The following SORBS3 variants were observed in gnomAD, a reference collection of about 807,000 sequenced individuals.
SORBS3 encodes the protein sorbin and SH3 domain containing 3.
A neutral mutation model predicts 98.0 loss-of-function variants in SORBS3; 69 were observed. The ratio of observed to expected loss-of-function variants is 0.70; its 90% CI spans 0.58 to 0.86. The LOEUF (loss-of-function observed/expected upper bound fraction) is 0.86, where lower values mean the gene tolerates loss of function less well. SORBS3 is among the 40% of genes least tolerant of loss of function. SORBS3 has a pLI of 0.00. For missense variants in SORBS3, 954 were observed against 908.5 expected (o/e 1.05, Z -0.64); for synonymous variants, 394 against 355.4 (o/e 1.11, Z -1.22).
chr8:22,552,488 C>T (rs532346494), intron 1 of SORBS3, among the ~76,000 whole-genome samples: 74 of 152,362 alleles, frequency 4.9e-4, no homozygotes, highest in Non-Finnish European at 1.0e-3. Flanking sequence ...AAGAGAAGGA[C>T]TCGGACCACC....
At chr8:22,556,577 G>C in intron 3 of SORBS3, 138 bp from the exon 4 acceptor site, 1 of 717,012 alleles carries the variant, frequency 1.4e-6, no homozygotes, top group Non-Finnish European at 2.4e-6. Context: ...GTGGTGCTCT[G>C]AGTCATCCAC....
chr8:22,552,820 C>A (rs1840110050), intron 1 of SORBS3, among the ~76,000 whole-genome samples: 1 of 152,220 alleles, frequency 6.6e-6, no homozygotes, highest in South Asian at 2.1e-4. Context: ...CTCAACTCCC[C>A]CCCGCAAGGG....
intron 7 of SORBS3, 25 bp downstream of exon 7, chr8:22,561,956 G>T: frequency 6.2e-7 from 1 of 1,610,956 alleles, no homozygotes; most frequent in East Asian, 2.2e-5. Flanking sequence ...GCGGGGCCGA[G>T]GGCTGCGGAG....
chr8:22,563,918 G>C, intron 7 of SORBS3, 69 bp from the exon 8 acceptor site: 2 of 1,175,924 alleles, frequency 1.7e-6, no homozygotes, highest in Non-Finnish European at 2.5e-6. Context: ...AGGGTGAGAG[G>C]GCTGTGTGCT....
upstream of SORBS3, chr8:22,551,783 C>G (rs1840085489): frequency 1.0e-6 from 1 of 984,984 alleles, no homozygotes; most frequent in Non-Finnish European, 1.2e-6. The surrounding 1 kb of genome is among the most constrained non-coding windows in gnomAD (Gnocchi z 5.8). Flanking sequence ...GACCCAAACT[C>G]CGCCCGCCCC....
intron 1 of SORBS3, among the ~76,000 whole-genome samples, chr8:22,552,590 A>G (rs1840103394): frequency 6.6e-6 from 1 of 152,130 alleles, no homozygotes; most frequent in African/African-American, 2.4e-5. Context: ...ACCTCTGACT[A>G]CGGGTCGTGG....
At chr8:22,565,965 C>A in intron 12 of SORBS3, 93 bp downstream of exon 12, 1 of 877,330 alleles carries the variant, frequency 1.1e-6, no homozygotes, top group Non-Finnish European at 1.5e-6. Flanking sequence ...GGGGCGATCG[C>A]GGGGCCCAGC....
At chr8:22,564,704 A>T in intron 10 of SORBS3, 183 bp downstream of exon 10, 2 of 1,398,686 alleles carry the variant, frequency 1.4e-6, no homozygotes, top group Non-Finnish European at 9.4e-7. Flanking sequence ...CTCAGTAAAC[A>T]TGTGTTAAAT....
At chr8:22,559,078 C>T (rs939759205) in intron 5 of SORBS3, among the ~76,000 whole-genome samples, 1 of 152,146 alleles carries the variant, frequency 6.6e-6, no homozygotes, top group Non-Finnish European at 1.5e-5. Flanking sequence ...CGGAAGAGTG[C>T]CATGCTCTGA....
intron 4 of SORBS3, among the ~76,000 whole-genome samples, chr8:22,557,224 C>T (rs774621016): frequency 2.6e-5 from 4 of 152,056 alleles, no homozygotes; most frequent in Non-Finnish European, 5.9e-5. Context: ...ATCCCCAGGG[C>T]CTGTCACGAC....
chr8:22,553,295 C>T lies in SORBS3; in HGVS notation c.-55-1157C>T, dbSNP rs76714219. Among the ~76,000 whole-genome samples the T allele has an allele frequency of 6.6e-5, 10 of 152,282 alleles. No homozygotes were observed. In the East Asian group the frequency reaches 1.5e-3, roughly 23 times the overall value. On this transcript the variant is annotated intron_variant, in intron 1 of 20. Transcript: ENST00000240123. ...ACACACACATACACACAGCTCCTCC[C>T]GATGCATTTGCAGCCCTCCCTGAGA...
chr8:22,571,194 C>T lies in SORBS3; in HGVS notation c.1716C>T (p.Pro572=). Residue 572 remains proline, a synonymous_variant, in exon 18 of 21, where the codon CCC becomes CCT. Coordinates refer to ENST00000240123, the MANE Select transcript of SORBS3 (RefSeq NM_005775.5). ...TSPRRTGFSF[P]TQEPRPQTQN... ...CCCGTCGCACTGGCTTCTCCTTCCC[C>T]ACCCAGGAGCCTAGACCCCAGACCC... 6.4e-7 allele frequency: 1 copy of T among 1,565,722 alleles called. No individual in the cohort carries two copies. Among genetic ancestry groups the T allele is most frequent in the Non-Finnish European group, 8.6e-7 (1 of 1,157,724 alleles).
Position 22,554,800 on chromosome 8 carries a change from G to C in SORBS3, c.103-63G>C. 1 of 1,477,992 alleles carries C rather than the reference G, an allele frequency of 6.8e-7. No homozygotes were observed. The highest frequency in any genetic ancestry group is 9.4e-7 in the Non-Finnish European group (1 of 1,068,242). The allele number at this position is 1,477,992 out of a possible 1,614,324, so 91.6% of individuals were successfully genotyped here. On this transcript the variant is annotated intron_variant, in intron 2 of 20. Coordinates refer to ENST00000240123, the MANE Select transcript of SORBS3 (RefSeq NM_005775.5). The surrounding 1 kb of genome is among the most constrained non-coding windows in gnomAD (Gnocchi z 6.5). ...CACCGAGGGGTGTGGGCTGTGCCTA[G>C]TAGCCATCCCTCCCTCCCGCCCTGC...
At chr8:22,570,427 A>G (rs928359743) in intron 17 of SORBS3, among the ~76,000 whole-genome samples, 4 of 152,214 alleles carry the variant, frequency 2.6e-5, no homozygotes, top group African/African-American at 7.2e-5. Context: ...GCAGGGCAGT[A>G]GTGGTAGCAC....
chr8:22,563,247 G>A (rs149097435), intron 7 of SORBS3, among the ~76,000 whole-genome samples: 58 of 152,308 alleles, frequency 3.8e-4, no homozygotes, highest in Middle Eastern at 3.4e-3. Flanking sequence ...TTGGTCAGAC[G>A]TTGTATTATT....
In SORBS3 at chr8:22,572,447, G is replaced by T; in HGVS notation, c.1954+1G>T. ...CAGTGTGACGATGGCTGGTTTGTGG[G>T]TATGTGGGCAGGCCGGGAGGGGGCA... On this transcript the variant is annotated splice_donor_variant, in intron 20 of 20. Transcript: ENST00000240123. LOFTEE classifies it high-confidence loss of function. 6.2e-7 allele frequency: 1 copy of T among 1,612,368 alleles called. No homozygotes were observed. Among genetic ancestry groups the T allele is most frequent in the Non-Finnish European group, 8.5e-7 (1 of 1,178,720 alleles).
In SORBS3 at chr8:22,556,828, A is replaced by G. The variant is rs781560405; in HGVS notation, c.334A>G (p.Lys112Glu). Reference protein sequence around the residue: ...NWSATWTKDSKRRDKRWVKYE... With the variant: ...NWSATWTKDSERRDKRWVKYE... ...GTCAGCCACGTGGACCAAGGACAGC[A>G]AGCGTCGGGACAAGCGCTGGGTCAA... The change falls in exon 4 of 21, where the codon AAG becomes GAG. Residue 112 changes from lysine (K) to glutamate (E), a missense_variant. By Grantham distance (56) the Lys-to-Glu change is moderately conservative. Coordinates refer to ENST00000240123, the MANE Select transcript of SORBS3 (RefSeq NM_005775.5). The G allele has an allele frequency of 2.5e-6, 4 of 1,613,586 alleles. No homozygotes were observed. Among genetic ancestry groups the G allele is most frequent in the Non-Finnish European group, 3.4e-6 (4 of 1,180,038 alleles).
intron 6 of SORBS3, 164 bp downstream of exon 6, chr8:22,561,537 G>T (rs1331041081): frequency 1.4e-6 from 1 of 729,790 alleles, no homozygotes; most frequent in Non-Finnish European, 2.3e-6. Context: ...AAATCCCCCG[G>T]TAGGTGGTAA....
chr8:22,571,550 CACAGCAGGTGTCCCTGTGCCCTGG>C, intron 18 of SORBS3, 144 bp from the exon 19 acceptor site: 1 of 621,220 alleles, frequency 1.6e-6, no homozygotes, highest in Non-Finnish European at 2.9e-6. Flanking sequence ...ATGAAATAGT[CACAGCAGGTGTCCCTGTGCCCTGG>C]GGGTTTGGAG....
Sources: allele counts gnomAD v4.1 joint callset (sites outside exome capture counted in the v4.1 genomes callset), GRCh38; gene constraint gnomAD v4.1.1; non-coding constraint Gnocchi (gnomAD v3.1); transcripts MANE v1.5; gene names NCBI Gene and HGNC (gene_info 2026-07-23, HGNC 2026-07-21).